IFFO2: variants seen among roughly 807,000 people sequenced by gnomAD.
IFFO2 encodes intermediate filament family orphan 2.
A neutral mutation model predicts 53.5 loss-of-function variants in IFFO2; 19 were observed. The observed-to-expected ratio is 0.36, with a 90% CI of 0.25 to 0.52. IFFO2 has a LOEUF of 0.52. Among genes scored for constraint, IFFO2 ranks in the 20% least tolerant of loss-of-function variants. The pLI is 0.94. For synonymous variants in IFFO2, 303 were observed against 313.6 expected, an observed-to-expected ratio of 0.97 and a Z score of 0.36; for missense variants, 570 against 727.4, an observed-to-expected ratio of 0.78 and a Z score of 2.49.
chr1:18,924,426 A>G (rs1936254550), intron 1 of IFFO2, among the ~76,000 whole-genome samples: 1 of 152,192 alleles, frequency 6.6e-6, no homozygotes, highest in Non-Finnish European at 1.5e-5. Flanking sequence ...TGTTTCAGGC[A>G]GAGGGACCAA....
At chr1:18,933,903 G>A (rs2103843) in intron 1 of IFFO2, among the ~76,000 whole-genome samples, 70,622 of 151,674 alleles carry the variant, frequency 0.47, 18,930 homozygotes, top group African/African-American at 0.73. Context: ...CTGCAACTGT[G>A]CCTGTTAAGC....
At chr1:18,939,489 A>C (rs1458298037) in intron 1 of IFFO2, among the ~76,000 whole-genome samples, 1 of 152,184 alleles carries the variant, frequency 6.6e-6, no homozygotes, top group Non-Finnish European at 1.5e-5. Context: ...GACCAGAGTG[A>C]TCCCTGGGAT....
chr1:18,942,717 T>TACAAGTTGGAGGTCCCTCA (rs1553158870), intron 1 of IFFO2, among the ~76,000 whole-genome samples: 1 of 152,204 alleles, frequency 6.6e-6, no homozygotes, highest in Non-Finnish European at 1.5e-5. Context: ...AGGAATAACC[T>TACAAGTTGGAGGTCCCTCA]ACAAGTTGGA....
chr1:18,953,710 G>T (rs190291088), intron 1 of IFFO2, among the ~76,000 whole-genome samples: 1 of 152,120 alleles, frequency 6.6e-6, no homozygotes, highest in African/African-American at 2.4e-5. Flanking sequence ...AGAAGGGCGG[G>T]AAGAGAGACG....
At chr1:18,948,730 G>A (rs1036938383) in intron 1 of IFFO2, among the ~76,000 whole-genome samples, 2 of 152,210 alleles carry the variant, frequency 1.3e-5, no homozygotes, top group African/African-American at 4.8e-5. Flanking sequence ...CACAGATGCT[G>A]CCAGCAAAGG....
chr1:18,932,159 C>T (rs76941181), intron 1 of IFFO2, among the ~76,000 whole-genome samples: 2,239 of 152,310 alleles, frequency 0.015, 50 homozygotes, highest in East Asian at 0.11. Flanking sequence ...CCTAAGCCTC[C>T]CCATTTGGTC....
intron 1 of IFFO2, among the ~76,000 whole-genome samples, chr1:18,941,742 C>T (rs1569861412): frequency 6.6e-6 from 1 of 152,370 alleles, no homozygotes; most frequent in East Asian, 1.9e-4. Context: ...CCTGGCCCTA[C>T]CTCATAGTGA....
Position 18,949,213 on chromosome 1 carries a change from C to T in IFFO2, c.665+6455G>A, listed in dbSNP as rs575443302. 3.9e-5 allele frequency among the ~76,000 whole-genome samples: 6 copies of T among 152,364 alleles called. No homozygotes were observed. The South Asian group carries it at 1.2e-3, about 32-fold the overall frequency. On this transcript the variant is annotated intron_variant, in intron 1 of 8. Transcript: ENST00000455833. ...CACAGCAGCCAGACACAGAGGCCTC[C>T]CTGCTGCATGAGTATTTACTCAGCA...
At chr1:18,910,106 T>C (rs992684015) in intron 8 of IFFO2, among the ~76,000 whole-genome samples, 3 of 152,138 alleles carry the variant, frequency 2.0e-5, no homozygotes, top group Non-Finnish European at 2.9e-5. Context: ...ATCTATTGAA[T>C]CAACAAAGGG....
chr1:18,919,629 A>G lies in IFFO2; in HGVS notation c.822+49T>C. On this transcript the variant is annotated intron_variant, in intron 3 of 8. Coordinates refer to ENST00000455833, the MANE Select transcript of IFFO2 (RefSeq NM_001136265.2). This position sits in a 1 kb window ranked among gnomAD's most constrained non-coding sequence, Gnocchi z 4.9. ...CGGAGGGAATGAAGCATTTTGCATG[A>G]TGGGTGTGGGGGAGGTCATGACACC... The G allele has an allele frequency of 8.2e-7, 1 of 1,223,364 alleles. No individual in the cohort carries two copies. The highest frequency in any genetic ancestry group is 1.2e-6 in the Non-Finnish European group (1 of 847,534). 75.8% of individuals were successfully genotyped at this position (1,223,364 alleles called of 1,614,324 possible). A position where few individuals can be genotyped will look rare whatever the true frequency, so the allele number is the denominator to read the frequency against.
At chr1:18,944,850 G>A (rs1423116607) in intron 1 of IFFO2, among the ~76,000 whole-genome samples, 1 of 152,178 alleles carries the variant, frequency 6.6e-6, no homozygotes, top group Non-Finnish European at 1.5e-5. Context: ...GCCATAAAGA[G>A]TAGAGATCAA....
intron 1 of IFFO2, among the ~76,000 whole-genome samples, chr1:18,927,527 T>C (rs556126685): frequency 6.6e-6 from 1 of 152,314 alleles, no homozygotes; most frequent in African/African-American, 2.4e-5. Flanking sequence ...CAGGGAGCTG[T>C]GCTGGAGCCC....
chr1:18,939,648 T>C (rs538237695), intron 1 of IFFO2, among the ~76,000 whole-genome samples: 2 of 152,278 alleles, frequency 1.3e-5, no homozygotes, highest in Admixed American at 1.3e-4. Flanking sequence ...AGGCACAGTC[T>C]CTCAGGAAGT....
intron 5 of IFFO2, among the ~76,000 whole-genome samples, chr1:18,914,676 A>T (rs1016917002): frequency 4.6e-5 from 7 of 151,740 alleles, no homozygotes; most frequent in Admixed American, 6.6e-5. Flanking sequence ...AAAAAAAATT[A>T]GCTGGGTGTG....
In IFFO2 at chr1:18,925,911, A is replaced by T. The variant is rs1480527596; in HGVS notation, c.666-4790T>A. Among the ~76,000 whole-genome samples the T allele has an allele frequency of 5.5e-4, 26 of 46,974 alleles. 1 individual carries two copies. The highest frequency in any genetic ancestry group is 9.0e-4 in the Admixed American group (3 of 3,344). The allele number at this position is 46,974 out of a possible 152,430, so 30.8% of individuals were successfully genotyped here. A position where few individuals can be genotyped will look rare whatever the true frequency, so the allele number is the denominator to read the frequency against. On this transcript the variant is annotated intron_variant, in intron 1 of 8. Transcript: ENST00000455833. Reference sequence around the variant, plus strand: ...TGGATGGATTGGATGGATTGGTTGGATGGATGGATGGATGGATGGATGGTT... The same window carrying T: ...TGGATGGATTGGATGGATTGGTTGGTTGGATGGATGGATGGATGGATGGTT...
In IFFO2 at chr1:18,905,946, G is replaced by C. The variant is rs1338795409; in HGVS notation, c.*2615C>G. 6.6e-6 allele frequency: 1 copy of C among 152,274 alleles called. No individual in the cohort carries two copies. The highest frequency in any genetic ancestry group is 1.9e-4 in the East Asian group (1 of 5,198). 9.4% of individuals were successfully genotyped at this position (152,274 alleles called of 1,614,324 possible). A position where few individuals can be genotyped will look rare whatever the true frequency, so the allele number is the denominator to read the frequency against. Reference sequence around the variant, plus strand: ...GGATGGACCAATTCGTCCCAGCTAGGACTGGTGCTGCCCCAGCGAGCGTTG... The same window carrying C: ...GGATGGACCAATTCGTCCCAGCTAGCACTGGTGCTGCCCCAGCGAGCGTTG... On this transcript the variant is annotated 3_prime_UTR_variant, in exon 9 of 9. Coordinates refer to ENST00000455833, the MANE Select transcript of IFFO2 (RefSeq NM_001136265.2).
chr1:18,956,076 T>A lies in IFFO2; in HGVS notation c.257A>T (p.Glu86Val). ...RRNRLLEKQL[E>V]QQQSERERRL... The stretch of plus-strand genomic sequence containing the variant: ...CCGCTCGCGCTCGCTCTGCTGCTGC[T>A]CCAGCTGCTTCTCCAGCAGCCGGTT... Residue 86 changes from glutamate to valine, a missense_variant, in exon 1 of 9, where the codon GAG (glutamate) becomes GTG (valine). Physicochemically the swap from Glu to Val is moderately radical, Grantham distance 121. Coordinates refer to ENST00000455833, the MANE Select transcript of IFFO2 (RefSeq NM_001136265.2). This position sits in a 1 kb window ranked among gnomAD's most constrained non-coding sequence, Gnocchi z 6.4. The A allele has an allele frequency of 6.7e-7, 1 of 1,489,634 alleles. No homozygotes were observed. Among genetic ancestry groups the A allele is most frequent in the Non-Finnish European group, 9.0e-7 (1 of 1,109,532 alleles). 92.3% of individuals were successfully genotyped at this position (1,489,634 alleles called of 1,614,324 possible). A position where few individuals can be genotyped will look rare whatever the true frequency, so the allele number is the denominator to read the frequency against.
intron 1 of IFFO2, among the ~76,000 whole-genome samples, chr1:18,934,554 T>C (rs932179922): frequency 3.3e-5 from 5 of 152,174 alleles, no homozygotes; most frequent in Admixed American, 6.5e-5. Flanking sequence ...TGCTTTAAAT[T>C]GCATGAGTGT....
rs1307962225 is a variant in IFFO2, at chr1:18,908,654, G to A, written c.1461C>T (p.Ser487=). ...AGTCGCTGCTGGCCACGGAGCTGGG[G>A]GACGGTGAATTCCTGAGAAGCACAA... The part of the protein sequence containing the change: ...IKGSADRNSP[S]PSSVASSDSG... The change falls in exon 9 of 9, where the codon TCC becomes TCT. Residue 487 remains serine, a synonymous_variant. Transcript: ENST00000455833. The A allele has an allele frequency of 3.9e-6, 6 of 1,551,232 alleles. No individual in the cohort carries two copies. Among genetic ancestry groups the A allele is most frequent in the Non-Finnish European group, 5.2e-6 (6 of 1,146,712 alleles).
Sources: gnomAD v4.1 joint callset for allele counts (sites outside exome capture counted in the v4.1 genomes callset) on GRCh38, gnomAD v4.1.1 for gene constraint, Gnocchi (gnomAD v3.1) non-coding constraint, MANE v1.5 for transcripts, NCBI Gene and HGNC (gene_info 2026-07-23, HGNC 2026-07-21) for gene names.